Variants in GPC5 observed in about 807,000 individuals in gnomAD.
The protein encoded by GPC5 is glypican-5.
Under a neutral mutation model 53.9 loss-of-function variants are expected in GPC5, and 47 were observed. The observed-to-expected ratio is 0.87, with a 90% CI of 0.69 to 1.11. GPC5 has a LOEUF of 1.11. Among genes scored for constraint, GPC5 ranks in the 50% most tolerant of loss-of-function variants. The pLI is 0.00. For missense variants in GPC5, 748 were observed against 713.1 expected (o/e 1.05, Z -0.56); for synonymous variants, 286 against 263.3 (o/e 1.09, Z -0.84).
intron 7 of GPC5, among the ~76,000 whole-genome samples, chr13:92,676,820 A>G (rs941639369): frequency 1.3e-5 from 2 of 152,192 alleles, no homozygotes; most frequent in East Asian, 1.9e-4. Flanking sequence ...TTAGAGAACA[A>G]TTGAGTAGAA....
At chr13:92,529,106 C>T (rs1321300966) in intron 7 of GPC5, among the ~76,000 whole-genome samples, 1 of 151,954 alleles carries the variant, frequency 6.6e-6, no homozygotes, top group Non-Finnish European at 1.5e-5. Context: ...TTTTAGAATA[C>T]TTCATAAAAA....
chr13:91,424,496 C>T (rs1293858124), intron 1 of GPC5, among the ~76,000 whole-genome samples: 1 of 151,678 alleles, frequency 6.6e-6, no homozygotes, highest in African/African-American at 2.4e-5. Context: ...TCCCGAGTAG[C>T]TGGGATTACA....
At chr13:91,519,582 C>T (rs1374560978) in intron 2 of GPC5, among the ~76,000 whole-genome samples, 1 of 152,184 alleles carries the variant, frequency 6.6e-6, no homozygotes, top group Non-Finnish European at 1.5e-5. Context: ...TGCTTTCTGT[C>T]ATGATTGTAA....
intron 5 of GPC5, among the ~76,000 whole-genome samples, chr13:91,842,266 AG>A (rs1357066643): frequency 2.6e-5 from 4 of 151,876 alleles, no homozygotes; most frequent in African/African-American, 9.7e-5. Context: ...AAAGAGTGAA[AG>A]AATGAAACAT....
intron 6 of GPC5, among the ~76,000 whole-genome samples, chr13:91,924,628 C>T (rs537619018): frequency 5.3e-5 from 8 of 152,004 alleles, no homozygotes; most frequent in African/African-American, 1.4e-4. Context: ...GTAGTCCTAG[C>T]TACTCAGGAG....
chr13:92,539,069 T>C (rs1881837381), intron 7 of GPC5, among the ~76,000 whole-genome samples: 1 of 146,664 alleles, frequency 6.8e-6, no homozygotes, highest in Non-Finnish European at 1.5e-5. Flanking sequence ...AGTAGAATGA[T>C]TTATAATCCT....
chr13:91,927,829 A>G (rs552478809), intron 6 of GPC5, among the ~76,000 whole-genome samples: 28 of 152,304 alleles, frequency 1.8e-4, no homozygotes, highest in Non-Finnish European at 3.2e-4. Flanking sequence ...GAATTTTATC[A>G]CTGGGATAAG....
chr13:91,718,303 G>A (rs1487359792), intron 3 of GPC5, among the ~76,000 whole-genome samples: 1 of 152,008 alleles, frequency 6.6e-6, no homozygotes, highest in Non-Finnish European at 1.5e-5. Flanking sequence ...GTAGAGATGG[G>A]GTTTCACCAT....
intron 7 of GPC5, among the ~76,000 whole-genome samples, chr13:92,604,867 T>C (rs1036464468): frequency 6.6e-6 from 1 of 152,232 alleles, no homozygotes; most frequent in Non-Finnish European, 1.5e-5. Context: ...TTCTCATTAA[T>C]ATACAAGCTT....
At chr13:92,220,602 C>T (rs576079442) in intron 7 of GPC5, among the ~76,000 whole-genome samples, 1 of 152,160 alleles carries the variant, frequency 6.6e-6, no homozygotes, top group South Asian at 2.1e-4. Flanking sequence ...AATTTAGAGA[C>T]TGTGATTTTT....
chr13:91,522,771 T>C (rs891699473), intron 2 of GPC5, among the ~76,000 whole-genome samples: 1 of 152,170 alleles, frequency 6.6e-6, no homozygotes, highest in African/African-American at 2.4e-5. Context: ...TGGTGTTTGG[T>C]TTTCTGTCCT....
intron 7 of GPC5, among the ~76,000 whole-genome samples, chr13:92,564,445 T>C (rs1344084536): frequency 6.6e-6 from 1 of 152,108 alleles, no homozygotes; most frequent in African/African-American, 2.4e-5. Flanking sequence ...GCAATATAGC[T>C]AGCCCCATTG....
At chr13:92,218,350 C>T (rs116016538) in intron 7 of GPC5, among the ~76,000 whole-genome samples, 79 of 152,284 alleles carry the variant, frequency 5.2e-4, no homozygotes, top group African/African-American at 1.7e-3. Context: ...TTCCCTTTTG[C>T]TATTTTATTT....
At chr13:91,771,891 CA>C (rs1463471706) in intron 5 of GPC5, among the ~76,000 whole-genome samples, 1 of 152,016 alleles carries the variant, frequency 6.6e-6, no homozygotes, top group Non-Finnish European at 1.5e-5. Flanking sequence ...AAAATAAGAG[CA>C]AATAAAAATC....
intron 7 of GPC5, among the ~76,000 whole-genome samples, chr13:92,643,167 T>G (rs1885650834): frequency 6.6e-6 from 1 of 152,130 alleles, no homozygotes; most frequent in African/African-American, 2.4e-5. Flanking sequence ...TCTCCCATTT[T>G]GTAGGTTGCC....
At chr13:92,374,878 A>T (rs2043681489) in intron 7 of GPC5, among the ~76,000 whole-genome samples, 2 of 151,806 alleles carry the variant, frequency 1.3e-5, no homozygotes, top group South Asian at 4.2e-4. Flanking sequence ...AGAAAAAAAA[A>T]ATAAAAAAAA....
intron 7 of GPC5, among the ~76,000 whole-genome samples, chr13:92,585,951 C>G (rs1019639055): frequency 6.6e-6 from 1 of 152,186 alleles, no homozygotes; most frequent in African/African-American, 2.4e-5. Context: ...TCCAGTTAAA[C>G]CTCTTTCTTT....
rs1361166513 is a variant in GPC5, at chr13:92,827,906, C to T, written c.1562-38376C>T. On this transcript the variant is annotated intron_variant, in intron 7 of 7. Transcript: ENST00000377067. Reference sequence around the variant, plus strand: ...GAAAAAGAGAAGAGTCCAAGTTCCACCAAACATTTCCAGATGAAAGGACAC... The same window carrying T: ...GAAAAAGAGAAGAGTCCAAGTTCCATCAAACATTTCCAGATGAAAGGACAC... 1.3e-5 allele frequency among the ~76,000 whole-genome samples: 2 copies of T among 152,020 alleles called. 1 individual carries two copies. The highest frequency in any genetic ancestry group is 4.8e-5 in the African/African-American group (2 of 41,418).
intron 6 of GPC5, among the ~76,000 whole-genome samples, chr13:92,089,180 A>G (rs2041358331): frequency 6.6e-6 from 1 of 152,220 alleles, no homozygotes; most frequent in African/African-American, 2.4e-5. Context: ...CAAGCCTGTA[A>G]TCCCAGCACT....
Sources: gnomAD v4.1 joint callset for allele counts (sites outside exome capture counted in the v4.1 genomes callset) on GRCh38, gnomAD v4.1.1 for gene constraint, MANE v1.5 for transcripts, NCBI Gene and HGNC (gene_info 2026-07-23, HGNC 2026-07-21) for gene names.